CD59: variants seen among roughly 807,000 people sequenced by gnomAD.
CD59 encodes CD59 molecule (CD59 blood group).
Under a neutral mutation model 7.0 loss-of-function variants are expected in CD59, and 3 were observed. The observed-to-expected ratio is 0.43, with a 90% CI of 0.19 to 1.10. The LOEUF is 1.10. CD59 is among the 50% of genes least tolerant of loss of function. The probability of loss-of-function intolerance (pLI) is 0.29; values close to 1 mark genes in which losing one functional copy is unlikely to be tolerated. For missense variants in CD59, 143 were observed against 151.0 expected (o/e 0.95, Z 0.28); for synonymous variants, 60 against 62.0 (o/e 0.97, Z 0.15).
chr11:33,705,804 A>G lies in CD59; in HGVS notation c.*4322T>C, dbSNP rs1337363294. The G allele has an allele frequency of 1.3e-5, 2 of 152,240 alleles. No homozygotes were observed. Among genetic ancestry groups the G allele is most frequent in the South Asian group, 2.1e-4 (1 of 4,834 alleles). 9.4% of individuals were successfully genotyped at this position (152,240 alleles called of 1,614,324 possible). A position where few individuals can be genotyped will look rare whatever the true frequency, so the allele number is the denominator to read the frequency against. ...TCTGGAGAACCCTAATACATGAATT[A>G]TAACTCTAAGTTTCAGTTCTGGCCA... On this transcript the variant is annotated 3_prime_UTR_variant, in exon 4 of 4. Transcript: ENST00000642928.
At chr11:33,722,491 C>T in intron 1 of CD59, 28 bp from the exon 2 acceptor site, 1 of 1,612,100 alleles carries the variant, frequency 6.2e-7, no homozygotes, top group Non-Finnish European at 8.5e-7. Flanking sequence ...GAAGGAATGT[C>T]AGGAACGAAC....
chr11:33,727,736 G>A (rs192261733), intron 1 of CD59, among the ~76,000 whole-genome samples: 150 of 152,252 alleles, frequency 9.9e-4, no homozygotes, highest in African/African-American at 3.4e-3. Flanking sequence ...CAAATTGTCT[G>A]TTTGCAGATG....
intron 1 of CD59, among the ~76,000 whole-genome samples, chr11:33,726,175 T>C (rs927985176): frequency 1.3e-5 from 2 of 152,180 alleles, no homozygotes; most frequent in Non-Finnish European, 2.9e-5. Context: ...CTGGACCAAG[T>C]GGACCTAACA....
chr11:33,717,263 G>C (rs1853835935), intron 3 of CD59, 107 bp downstream of exon 3: 4 of 723,256 alleles, frequency 5.5e-6, no homozygotes, highest in Non-Finnish European at 1.0e-5. Flanking sequence ...CTAATAAATG[G>C]TAGCTATTAC....
chr11:33,734,185 C>G (rs565985492), intron 1 of CD59, among the ~76,000 whole-genome samples: 1 of 152,340 alleles, frequency 6.6e-6, no homozygotes, highest in South Asian at 2.1e-4. Context: ...GACAAACATC[C>G]ATCACTCAGT....
chr11:33,711,362 ACT>A (rs1259871765), intron 3 of CD59: 1 of 700,552 alleles, frequency 1.4e-6, no homozygotes, highest in Non-Finnish European at 2.6e-6. Context: ...ACATTCTTAA[ACT>A]CTACAATAAA....
rs1336189606 is a variant in CD59 at position 33,703,546 on chromosome 11, A to C, written c.*6580T>G. The C allele has an allele frequency of 1.3e-5, 2 of 152,256 alleles. No individual in the cohort carries two copies. Among genetic ancestry groups the C allele is most frequent in the Non-Finnish European group, 2.9e-5 (2 of 68,054 alleles). 9.4% of individuals were successfully genotyped at this position (152,256 alleles called of 1,614,324 possible). On this transcript the variant is annotated 3_prime_UTR_variant, in exon 4 of 4. Transcript: ENST00000642928. ...TTTCATTTGGAACCAACTGAGAGAC[A>C]CAAGTCCCTCTTCGTTGATCAGGGT...
At chr11:33,725,628 G>A (rs999471639) in intron 1 of CD59, among the ~76,000 whole-genome samples, 2 of 152,180 alleles carry the variant, frequency 1.3e-5, no homozygotes, top group Non-Finnish European at 2.9e-5. Flanking sequence ...TGACTCTAAA[G>A]TCATTTCCGT....
In CD59 at chr11:33,705,738, C is replaced by T. The variant is rs1853283101; in HGVS notation, c.*4388G>A. ...TGTGGGAGCCAGTTCTCCCTAATAACCTCCCTTTCATATATACATATATCC... is the reference window on the plus strand; with the variant it reads ...TGTGGGAGCCAGTTCTCCCTAATAATCTCCCTTTCATATATACATATATCC... On this transcript the variant is annotated 3_prime_UTR_variant, in exon 4 of 4. Transcript: ENST00000642928. 6.6e-6 allele frequency: 1 copy of T among 152,194 alleles called. No individual in the cohort carries two copies. Among genetic ancestry groups the T allele is most frequent in the African/African-American group, 2.4e-5 (1 of 41,426 alleles). The allele number at this position is 152,194 out of a possible 1,614,324, so 9.4% of individuals were successfully genotyped here.
At chr11:33,717,653 C>A in intron 2 of CD59, 182 bp from the exon 3 acceptor site, 2 of 613,078 alleles carry the variant, frequency 3.3e-6, no homozygotes, top group South Asian at 1.7e-5. Flanking sequence ...ATTTTTTGGA[C>A]CCTGATGCAA....
At chr11:33,731,687 G>C (rs1047638062) in intron 1 of CD59, among the ~76,000 whole-genome samples, 10 of 152,170 alleles carry the variant, frequency 6.6e-5, no homozygotes, top group African/African-American at 2.4e-4. Context: ...TGGGTTAGAG[G>C]GTGACCTGGC....
intron 1 of CD59, among the ~76,000 whole-genome samples, chr11:33,732,187 T>TA (rs74821730): frequency 0.14 from 20,645 of 152,032 alleles, 1,716 homozygotes; most frequent in African/African-American, 0.23. Flanking sequence ...GGTATGTCTT[T>TA]ATCAGCAGCA....
At position 33,704,201 on chromosome 11, in the gene CD59, G is replaced by C. The variant is rs537424942; in HGVS notation, c.*5925C>G. ...GTCTTGGAATACAAGAGTTGTGCCT[G>C]AATCTGGGACTCTCTGTGACCCTGG... On this transcript the variant is annotated 3_prime_UTR_variant, in exon 4 of 4. Coordinates refer to ENST00000642928, the MANE Select transcript of CD59 (RefSeq NM_000611.6). The C allele has an allele frequency of 5.3e-5, 8 of 151,430 alleles. No individual in the cohort carries two copies. In the East Asian group the frequency reaches 1.5e-3, roughly 29 times the overall value. The allele number at this position is 151,430 out of a possible 1,614,324, so 9.4% of individuals were successfully genotyped here.
Position 33,703,236 on chromosome 11 carries a change from T to C in CD59, c.*6890A>G, listed in dbSNP as rs1201389195. 6.6e-6 allele frequency: 1 copy of C among 152,176 alleles called. No individual in the cohort carries two copies. The highest frequency in any genetic ancestry group is 2.4e-5 in the African/African-American group (1 of 41,426). 9.4% of individuals were successfully genotyped at this position (152,176 alleles called of 1,614,324 possible). ...ACAAACTTGGTTTCTCTAACAAGTATGCAAGAAAACTCAAGTGCCACAATG... is the reference window on the plus strand; with the variant it reads ...ACAAACTTGGTTTCTCTAACAAGTACGCAAGAAAACTCAAGTGCCACAATG... On this transcript the variant is annotated 3_prime_UTR_variant, in exon 4 of 4. Transcript: ENST00000642928.
intron 1 of CD59, among the ~76,000 whole-genome samples, chr11:33,732,090 C>T (rs1854434678): frequency 6.6e-6 from 1 of 152,172 alleles, no homozygotes; most frequent in South Asian, 2.1e-4. Context: ...GTGCCTTTCA[C>T]CCTCTGCCAT....
intron 3 of CD59, among the ~76,000 whole-genome samples, 169 bp from the exon 4 acceptor site, chr11:33,710,512 C>T (rs1431260222): frequency 2.0e-5 from 3 of 152,120 alleles, no homozygotes; most frequent in African/African-American, 7.2e-5. Context: ...TAATGATACA[C>T]CTCTAAATAG....
At position 33,736,105 on chromosome 11, in the gene CD59, G is replaced by A. The variant is rs1429903726; in HGVS notation, c.-19+277C>T. Among the ~76,000 whole-genome samples, 1 of 152,118 alleles carries A rather than the reference G, an allele frequency of 6.6e-6. No homozygotes were observed. Among genetic ancestry groups the A allele is most frequent in the African/African-American group, 2.4e-5 (1 of 41,422 alleles). ...CCCGGGTGCGAGGCTGCCCCCGAGG[G>A]AATGGGGGGCGCGACGGGGGTAACG... On this transcript the variant is annotated intron_variant, in intron 1 of 3. Coordinates refer to ENST00000642928, the MANE Select transcript of CD59 (RefSeq NM_000611.6). This position sits in a 1 kb window ranked among gnomAD's most constrained non-coding sequence, Gnocchi z 4.4.
chr11:33,719,077 A>C (rs1006335402), intron 2 of CD59: 1 of 152,256 alleles, frequency 6.6e-6, no homozygotes, highest in South Asian at 2.1e-4. Flanking sequence ...TGTGGGTTTT[A>C]GAGCCCAACA....
intron 1 of CD59, among the ~76,000 whole-genome samples, chr11:33,728,725 T>A (rs1854329249): frequency 6.6e-6 from 1 of 152,028 alleles, no homozygotes; most frequent in African/African-American, 2.4e-5. Flanking sequence ...GTCAGCAGAG[T>A]GAAAAGGCAA....
Sources: allele counts gnomAD v4.1 joint callset (sites outside exome capture counted in the v4.1 genomes callset), GRCh38; gene constraint gnomAD v4.1.1; non-coding constraint Gnocchi (gnomAD v3.1); transcripts MANE v1.5; gene names NCBI Gene and HGNC (gene_info 2026-07-23, HGNC 2026-07-21).